CHST9: variants seen among roughly 807,000 people sequenced by gnomAD.
CHST9 encodes the protein carbohydrate sulfotransferase 9, also known as GalNAc-4-sulfotransferase 2.
In CHST9, 41 loss-of-function variants were observed where a neutral mutation model predicts 44.4. The ratio of observed to expected loss-of-function variants is 0.92; its 90% CI spans 0.72 to 1.20. The LOEUF (loss-of-function observed/expected upper bound fraction) is 1.20, where lower values mean the gene tolerates loss of function less well. CHST9 is among the 50% of genes most tolerant of loss of function. The pLI is 0.00. For synonymous variants in CHST9, 171 were observed against 178.4 expected (o/e 0.96, Z 0.33); for missense variants, 504 against 516.5 (o/e 0.98, Z 0.23).
At chr18:27,081,708 G>T (rs192057629) in intron 2 of CHST9, among the ~76,000 whole-genome samples, 1 of 152,276 alleles carries the variant, frequency 6.6e-6, no homozygotes, top group East Asian at 1.9e-4. Flanking sequence ...AATATATCCA[G>T]TTTCTCCTAA....
At chr18:27,103,078 A>G (rs551832637) in intron 2 of CHST9, among the ~76,000 whole-genome samples, 1 of 152,282 alleles carries the variant, frequency 6.6e-6, no homozygotes, top group African/African-American at 2.4e-5. Context: ...AGCAGGGAAA[A>G]ATGGCCACTT....
At chr18:26,944,294 T>A (rs752757712) in intron 5 of CHST9, 35 bp downstream of exon 5, 57 of 1,539,280 alleles carry the variant, frequency 3.7e-5, no homozygotes, top group Non-Finnish European at 4.7e-5. Context: ...TGAAACAAAA[T>A]TCTATATTAG....
At chr18:26,937,257 A>C (rs1441128468) in intron 5 of CHST9, among the ~76,000 whole-genome samples, 3 of 151,178 alleles carry the variant, frequency 2.0e-5, no homozygotes, top group Non-Finnish European at 4.4e-5. Context: ...TTAATTAAAA[A>C]AGTAATTTAC....
At chr18:27,074,958 A>G (rs1385831624) in intron 2 of CHST9, among the ~76,000 whole-genome samples, 1 of 149,204 alleles carries the variant, frequency 6.7e-6, no homozygotes, top group African/African-American at 2.4e-5. Flanking sequence ...GTATATAGTC[A>G]CCAAATAGGA....
intron 2 of CHST9, among the ~76,000 whole-genome samples, chr18:27,090,565 T>G (rs1475453214): frequency 1.3e-5 from 2 of 152,198 alleles, no homozygotes; most frequent in Admixed American, 6.5e-5. Flanking sequence ...TCTTCTAGGG[T>G]TTTTATGGAT....
At position 26,914,383 on chromosome 18, in the gene CHST9, G is replaced by A. The variant is rs530484625; in HGVS notation, c.*1876C>T. ...GTGTTTCTTAGGAATAAAATTTCAG[G>A]CTTCTGGAATATTTTTTATTTTCTC... On this transcript the variant is annotated 3_prime_UTR_variant, in exon 6 of 6. Coordinates refer to ENST00000618847, the MANE Select transcript of CHST9 (RefSeq NM_031422.6). The A allele has an allele frequency of 2.0e-5, 3 of 152,136 alleles. No homozygotes were observed. The highest frequency in any genetic ancestry group is 2.0e-4 in the Admixed American group (3 of 15,280). 9.4% of individuals were successfully genotyped at this position (152,136 alleles called of 1,614,324 possible).
intron 2 of CHST9, among the ~76,000 whole-genome samples, chr18:27,061,801 C>A (rs2057724754): frequency 1.3e-5 from 2 of 152,070 alleles, no homozygotes; most frequent in South Asian, 4.2e-4. Flanking sequence ...GAGCAAAGAT[C>A]ACCTGGTGGC....
chr18:26,961,220 TA>T (rs1306720994), intron 4 of CHST9, among the ~76,000 whole-genome samples: 44 of 152,184 alleles, frequency 2.9e-4, no homozygotes, highest in Non-Finnish European at 1.5e-5. Flanking sequence ...GTGCAGCAAT[TA>T]AAAATAATAA....
chr18:27,005,540 C>A (rs1454370841), intron 4 of CHST9, among the ~76,000 whole-genome samples: 2 of 152,138 alleles, frequency 1.3e-5, no homozygotes, highest in Non-Finnish European at 2.9e-5. Context: ...AAATCCAGTT[C>A]TGGTGTACCA....
In CHST9 at chr18:26,916,704, T is replaced by A; in HGVS notation, c.887A>T (p.His296Leu). ...LVSAFRDKFE[H>L]PNSYYHPVFG... ...TACTGGATGGTAATAACTATTGGGG[T>A]GTTCAAATTTGTCCCTAAAGGCTGA... is the stretch of plus-strand genomic sequence containing the variant. The change falls in exon 6 of 6, where the codon CAC becomes CTC. Residue 296 changes from histidine to leucine, a missense_variant. By Grantham distance (99) the His-to-Leu change is moderately conservative. Transcript: ENST00000618847. 6.2e-7 allele frequency: 1 copy of A among 1,613,878 alleles called. No individual in the cohort carries two copies. Among genetic ancestry groups the A allele is most frequent in the Non-Finnish European group, 8.5e-7 (1 of 1,179,822 alleles).
At chr18:27,074,186 G>A (rs6508468) in intron 2 of CHST9, among the ~76,000 whole-genome samples, 122,685 of 152,180 alleles carry the variant, frequency 0.81, 49,762 homozygotes, top group East Asian at 0.91. Flanking sequence ...GTTACAAAGC[G>A]TGGAAGCAAC....
rs529586079 is a variant in CHST9, at chr18:27,015,209, C to A, written c.202+8907G>T. The stretch of plus-strand genomic sequence containing the variant: ...CATTCTGGCTGTGCTGCAAGCTCAA[C>A]GGCCTGGAATTTCATGCCCCATGAT... On this transcript the variant is annotated intron_variant, in intron 4 of 5. Transcript: ENST00000618847. 8.5e-5 allele frequency among the ~76,000 whole-genome samples: 13 copies of A among 152,260 alleles called. No individual in the cohort carries two copies. In the East Asian group the frequency reaches 2.3e-3, roughly 27 times the overall value.
At chr18:27,109,259 G>A (rs1300613511) in intron 2 of CHST9, among the ~76,000 whole-genome samples, 4 of 152,066 alleles carry the variant, frequency 2.6e-5, no homozygotes, top group Non-Finnish European at 2.9e-5. Context: ...CATAAGTTAA[G>A]TTCTTAATTA....
At chr18:27,106,353 G>A (rs756474114) in intron 2 of CHST9, among the ~76,000 whole-genome samples, 35 of 152,050 alleles carry the variant, frequency 2.3e-4, no homozygotes, top group South Asian at 4.1e-4. Flanking sequence ...TTAGTTTCCC[G>A]TCTTAATGAT....
At chr18:27,011,791 G>A (rs960606514) in intron 4 of CHST9, among the ~76,000 whole-genome samples, 1 of 152,226 alleles carries the variant, frequency 6.6e-6, no homozygotes, top group Non-Finnish European at 1.5e-5. Flanking sequence ...GCCAGGCAAT[G>A]AGCTAGACTC....
chr18:27,075,167 T>G (rs559228483), intron 2 of CHST9, among the ~76,000 whole-genome samples: 5 of 118,124 alleles, frequency 4.2e-5, no homozygotes, highest in South Asian at 4.8e-4. Flanking sequence ...TTGTTTGTTT[T>G]TTTTGTTTTT....
chr18:27,103,997 T>C (rs1013832132), intron 2 of CHST9, among the ~76,000 whole-genome samples: 16 of 152,298 alleles, frequency 1.1e-4, no homozygotes, highest in African/African-American at 3.8e-4. Flanking sequence ...TTTAATAAAC[T>C]CTAAATGCAT....
chr18:27,098,170 A>G (rs769004911), intron 2 of CHST9, among the ~76,000 whole-genome samples: 12 of 152,088 alleles, frequency 7.9e-5, no homozygotes, highest in Non-Finnish European at 1.6e-4. Context: ...ACTTCTCAAA[A>G]GAAGACATTT....
chr18:26,950,670 A>G (rs967853133), intron 4 of CHST9, among the ~76,000 whole-genome samples: 7 of 152,196 alleles, frequency 4.6e-5, no homozygotes. Flanking sequence ...GAGCTAAGCT[A>G]TGAGGATGCA....
Sources: gnomAD v4.1 joint callset for allele counts (sites outside exome capture counted in the v4.1 genomes callset) on GRCh38, gnomAD v4.1.1 for gene constraint, MANE v1.5 for transcripts, NCBI Gene and HGNC (gene_info 2026-07-23, HGNC 2026-07-21) for gene names.